The following LEMD3 variants were observed in gnomAD, a reference collection of about 807,000 sequenced individuals.
LEMD3 encodes LEM domain containing 3, also known as inner nuclear membrane protein Man1.
Under a neutral mutation model 95.2 loss-of-function variants are expected in LEMD3, and 33 were observed. The ratio of observed to expected loss-of-function variants is 0.35; its 90% CI spans 0.26 to 0.46. The LOEUF (loss-of-function observed/expected upper bound fraction) is 0.46, where lower values mean the gene tolerates loss of function less well. Among genes scored for constraint, LEMD3 ranks in the 20% least tolerant of loss-of-function variants. The pLI is 1.00. For missense variants in LEMD3, 1,210 were observed against 1,192.8 expected (o/e 1.01, Z -0.21); for synonymous variants, 525 against 474.6 (o/e 1.11, Z -1.38).
intron 6 of LEMD3, among the ~76,000 whole-genome samples, chr12:65,239,404 C>T (rs1870866135): frequency 6.6e-6 from 1 of 152,020 alleles, no homozygotes; most frequent in East Asian, 1.9e-4. Flanking sequence ...TAAAATTAGA[C>T]AGGCATAGTG....
chr12:65,171,393 A>T, intron 1 of LEMD3: 1 of 433,162 alleles, frequency 2.3e-6, no homozygotes, highest in Non-Finnish European at 4.2e-6. Context: ...ACTCATTTGT[A>T]TATGTGACAA....
intron 4 of LEMD3, among the ~76,000 whole-genome samples, chr12:65,226,919 C>G (rs1381010104): frequency 6.6e-6 from 1 of 152,120 alleles, no homozygotes; most frequent in Non-Finnish European, 1.5e-5. Context: ...AATAACATGC[C>G]ACAGAAATTT....
Position 65,170,533 on chromosome 12 carries a change from G to T in LEMD3, c.937G>T (p.Gly313Trp), listed in dbSNP as rs200070970. The T allele has an allele frequency of 5.6e-6, 9 of 1,614,074 alleles. No homozygotes were observed. The Admixed American group carries it at 1.0e-4, about 18-fold the overall frequency. ...GGRLETSVQGGGGLAMNDRAA... is the reference protein window; with the variant it reads ...GGRLETSVQGWGGLAMNDRAA... ...CAGGCTGGAGACTTCAGTTCAGGGA[G>T]GGGGAGGACTCGCGATGAATGACAG... The change falls in exon 1 of 13, where the codon GGG (glycine) becomes TGG (tryptophan). Residue 313 changes from glycine to tryptophan, a missense_variant. By Grantham distance (184) the Gly-to-Trp change is radical (BLOSUM62 -2). Coordinates refer to ENST00000308330, the MANE Select transcript of LEMD3 (RefSeq NM_014319.5).
At chr12:65,242,302 C>G (rs1179912865) in intron 9 of LEMD3, among the ~76,000 whole-genome samples, 1 of 152,088 alleles carries the variant, frequency 6.6e-6, no homozygotes. Flanking sequence ...GTTAGAGTTT[C>G]TCAAGGCCAT....
intron 1 of LEMD3, among the ~76,000 whole-genome samples, chr12:65,194,943 C>A (rs1336305467): frequency 2.1e-5 from 1 of 48,000 alleles, no homozygotes; most frequent in African/African-American, 2.4e-4. Context: ...GAATTGTAAT[C>A]TAAATTTCTC....
intron 1 of LEMD3, among the ~76,000 whole-genome samples, chr12:65,199,473 C>CA (rs1869528770): frequency 1.3e-5 from 2 of 152,092 alleles, no homozygotes; most frequent in Admixed American, 1.3e-4. Flanking sequence ...AATTTCTAGA[C>CA]ACAAGATCTT....
intron 4 of LEMD3, among the ~76,000 whole-genome samples, chr12:65,223,657 T>TC: frequency 6.7e-6 from 1 of 148,828 alleles, no homozygotes; most frequent in Middle Eastern, 3.4e-3. Flanking sequence ...AAATTGGAGC[T>TC]TTTTTTTTTA....
intron 10 of LEMD3, chr12:65,245,448 C>T: frequency 1.9e-6 from 1 of 522,144 alleles, no homozygotes; most frequent in East Asian, 3.5e-5. Flanking sequence ...CAGCGCTCTG[C>T]ACTCTTTTAC....
At chr12:65,240,740 T>C (rs1011847285) in intron 8 of LEMD3, 169 bp from the exon 9 acceptor site, 6 of 642,258 alleles carry the variant, frequency 9.3e-6, no homozygotes, top group Admixed American at 2.8e-5. Context: ...GCTCTGGAAA[T>C]TGAAACTCAG....
At chr12:65,193,974 T>A (rs1036203300) in intron 1 of LEMD3, among the ~76,000 whole-genome samples, 2 of 152,140 alleles carry the variant, frequency 1.3e-5, no homozygotes, top group African/African-American at 4.8e-5. Flanking sequence ...GTTATGCTCG[T>A]ATTATACTTA....
At chr12:65,222,547 T>C (rs1870322779) in intron 4 of LEMD3, among the ~76,000 whole-genome samples, 1 of 152,162 alleles carries the variant, frequency 6.6e-6, no homozygotes, top group South Asian at 2.1e-4. Context: ...CAGAAATGAA[T>C]TCTGATTTTT....
chr12:65,248,286 TA>T lies in LEMD3; in HGVS notation c.*1968del, dbSNP rs1051612762. 6.6e-6 allele frequency: 1 copy of T among 152,052 alleles called. No individual in the cohort carries two copies. Among genetic ancestry groups the T allele is most frequent in the Non-Finnish European group, 1.5e-5 (1 of 67,972 alleles). The allele number at this position is 152,052 out of a possible 1,614,324, so 9.4% of individuals were successfully genotyped here. On this transcript the variant is annotated 3_prime_UTR_variant, in exon 13 of 13. Coordinates refer to ENST00000308330, the MANE Select transcript of LEMD3 (RefSeq NM_014319.5). ...TGATGTAATCTGTTACTTGTCCTGT[TA>T]AAAAAAGGAAAAAATTCTAATTAAA...
chr12:65,177,444 T>C (rs1368136206), intron 1 of LEMD3, among the ~76,000 whole-genome samples: 1 of 152,126 alleles, frequency 6.6e-6, no homozygotes, highest in East Asian at 1.9e-4. Flanking sequence ...GATAATATCA[T>C]TGGAGGAATT....
chr12:65,175,276 G>T (rs983601733), intron 1 of LEMD3, among the ~76,000 whole-genome samples: 1 of 152,018 alleles, frequency 6.6e-6, no homozygotes, highest in Admixed American at 6.6e-5. Flanking sequence ...TAAGTACAGA[G>T]GTATAATTTT....
intron 1 of LEMD3, among the ~76,000 whole-genome samples, chr12:65,197,247 G>A (rs1360402876): frequency 6.6e-6 from 1 of 152,088 alleles, no homozygotes; most frequent in Non-Finnish European, 1.5e-5. Flanking sequence ...CTCAAGGTGT[G>A]GCTGAAGCAC....
intron 1 of LEMD3, among the ~76,000 whole-genome samples, chr12:65,187,326 A>G (rs1370914054): frequency 6.6e-6 from 1 of 152,076 alleles, no homozygotes; most frequent in Non-Finnish European, 1.5e-5. Flanking sequence ...TAACAATTCA[A>G]TTCAAGGGAT....
chr12:65,233,747 G>A lies in LEMD3; in HGVS notation c.1696-4755G>A, dbSNP rs568298049. 6.0e-4 allele frequency among the ~76,000 whole-genome samples: 92 copies of A among 152,106 alleles called. 1 individual carries two copies. The highest frequency in any genetic ancestry group is 1.9e-3 in the East Asian group (10 of 5,174). On this transcript the variant is annotated intron_variant, in intron 4 of 12. Coordinates refer to ENST00000308330, the MANE Select transcript of LEMD3 (RefSeq NM_014319.5). ...CCTTTTTCCCTTCTTACTAACTAAA[G>A]TTTTGTTGCCTTATTTAATGAAACA... is the stretch of plus-strand genomic sequence containing the variant.
At chr12:65,176,621 A>G (rs1041287094) in intron 1 of LEMD3, among the ~76,000 whole-genome samples, 6 of 152,210 alleles carry the variant, frequency 3.9e-5, no homozygotes, top group African/African-American at 1.4e-4. Context: ...ATAGGAGTAG[A>G]ATACAGTGTT....
intron 1 of LEMD3, among the ~76,000 whole-genome samples, chr12:65,177,321 G>T (rs1458044409): frequency 6.6e-6 from 1 of 152,122 alleles, no homozygotes; most frequent in Non-Finnish European, 1.5e-5. Flanking sequence ...AATGGAGTTG[G>T]GCCTATGAAT....
Sources: allele counts gnomAD v4.1 joint callset (sites outside exome capture counted in the v4.1 genomes callset), GRCh38; gene constraint gnomAD v4.1.1; transcripts MANE v1.5; gene names NCBI Gene and HGNC (gene_info 2026-07-23, HGNC 2026-07-21).